Variants in LRIG1 observed in about 807,000 individuals in gnomAD.
LRIG1 encodes the protein leucine-rich repeats and immunoglobulin-like domains protein 1.
LRIG1 carries 48 observed loss-of-function variants against 99.2 expected under a neutral mutation model. The ratio of observed to expected loss-of-function variants is 0.48; its 90% CI spans 0.38 to 0.62. The LOEUF is 0.62. Among genes scored for constraint, LRIG1 ranks in the 20% least tolerant of loss-of-function variants. The probability of loss-of-function intolerance (pLI) is 0.00; values close to 1 mark genes in which losing one functional copy is unlikely to be tolerated. For missense variants in LRIG1, 1,646 were observed against 1,434.4 expected (o/e 1.15, Z -2.38); for synonymous variants, 772 against 596.1 (o/e 1.29, Z -4.30).
intron 3 of LRIG1, among the ~76,000 whole-genome samples, chr3:66,444,065 C>G (rs137964486): frequency 2.6e-5 from 4 of 152,160 alleles, no homozygotes; most frequent in Non-Finnish European, 5.9e-5. Context: ...TGATCAGATA[C>G]GAGTGACTGA....
In LRIG1 at chr3:66,461,446, G is replaced by A. The variant is rs1376221058; in HGVS notation, c.290+992C>T. Among the ~76,000 whole-genome samples the A allele has an allele frequency of 5.3e-5, 8 of 152,112 alleles. No individual in the cohort carries two copies. In the East Asian group the frequency reaches 9.6e-4, roughly 18 times the overall value. ...GGTAGGTAATATATGAAATATCCACGTATAGTAGTTTTACATAAAAGCTAA... is the reference window on the plus strand; with the variant it reads ...GGTAGGTAATATATGAAATATCCACATATAGTAGTTTTACATAAAAGCTAA... On this transcript the variant is annotated intron_variant, in intron 2 of 18. Coordinates refer to ENST00000273261, the MANE Select transcript of LRIG1 (RefSeq NM_015541.3).
chr3:66,403,777 G>GC (rs1437415490), intron 9 of LRIG1, among the ~76,000 whole-genome samples: 1 of 152,132 alleles, frequency 6.6e-6, no homozygotes, highest in Non-Finnish European at 1.5e-5. Flanking sequence ...GGACTGACAC[G>GC]CCCCACGAGG....
At position 66,410,230 on chromosome 3, in the gene LRIG1, C is replaced by T. The variant is rs745710758; in HGVS notation, c.834G>A (p.Ser278=). 30 of 1,613,570 alleles carry T rather than the reference C, an allele frequency of 1.9e-5. No individual in the cohort carries two copies. Among genetic ancestry groups the T allele is most frequent in the Admixed American group, 1.8e-4 (11 of 59,918 alleles). ...GATGCAGGGCCGTGAGGCCGTAGAG[C>T]GAGCCGCTGTTCACTTCTACCAGGC... The part of the protein sequence containing the change: ...YNSLVEVNSG[S]LYGLTALHQL... Residue 278 remains serine, a synonymous_variant, in exon 7 of 19, where the codon TCG becomes TCA. Transcript: ENST00000273261.
Position 66,382,412 on chromosome 3 carries a change from G to C in LRIG1, c.2492-14C>G. The C allele has an allele frequency of 6.2e-7, 1 of 1,614,144 alleles. No homozygotes were observed. Among genetic ancestry groups the C allele is most frequent in the Non-Finnish European group, 8.5e-7 (1 of 1,179,974 alleles). ...CGACGGTTTCATCTGCAAGGAGACA[G>C]AACAAATAGAACACCAGGGTCTCAG... On this transcript the variant is annotated splice_polypyrimidine_tract_variant and intron_variant, in intron 15 of 18. Coordinates refer to ENST00000273261, the MANE Select transcript of LRIG1 (RefSeq NM_015541.3).
chr3:66,492,600 A>G (rs948029787), intron 1 of LRIG1, among the ~76,000 whole-genome samples: 8 of 152,170 alleles, frequency 5.3e-5, no homozygotes, highest in African/African-American at 1.7e-4. Flanking sequence ...TTTGACCACA[A>G]AAGTTCAAAA....
Position 66,384,106 on chromosome 3 carries a change from C to A in LRIG1, c.1956G>T (p.Pro652=), listed in dbSNP as rs141524760. ...CAGTGATGAAAAACACGTCGTCATC[C>A]GGCATGACATGCATGCGTCGCTCAC... is the stretch of plus-strand genomic sequence containing the variant. The part of the protein sequence containing the change: ...AARERRMHVM[P]DDDVFFITDV... Residue 652 remains proline, a synonymous_variant, in exon 14 of 19, where the codon CCG becomes CCT. Transcript: ENST00000273261. The A allele has an allele frequency of 6.2e-7, 1 of 1,614,162 alleles. No individual in the cohort carries two copies. The highest frequency in any genetic ancestry group is 2.2e-5 in the East Asian group (1 of 44,878).
intron 9 of LRIG1, among the ~76,000 whole-genome samples, chr3:66,399,990 C>T (rs1268530472): frequency 6.6e-6 from 1 of 152,204 alleles, no homozygotes; most frequent in Non-Finnish European, 1.5e-5. Context: ...GCAGGAGATG[C>T]CCCAGTGCTT....
chr3:66,423,308 C>A (rs9309937), intron 3 of LRIG1, among the ~76,000 whole-genome samples: 2 of 152,118 alleles, frequency 1.3e-5, no homozygotes, highest in Non-Finnish European at 2.9e-5. Flanking sequence ...CGGTGGCTCA[C>A]GCCTGTAATC....
chr3:66,380,566 T>G lies in LRIG1; in HGVS notation c.3055+11A>C, dbSNP rs748390688. ...TCCCAACCCACCTGTTAGAAGACAG[T>G]CAAAAGTTACCTTTCCCATCTAGAG... On this transcript the variant is annotated intron_variant, in intron 18 of 18. Transcript: ENST00000273261. 108 of 1,613,216 alleles carry G rather than the reference T, an allele frequency of 6.7e-5. No homozygotes were observed. Among genetic ancestry groups the G allele is most frequent in the Non-Finnish European group, 9.1e-5 (107 of 1,179,342 alleles).
At chr3:66,499,658 ACACT>A (rs1445968937) in intron 1 of LRIG1, among the ~76,000 whole-genome samples, 1 of 152,140 alleles carries the variant, frequency 6.6e-6, no homozygotes, top group Non-Finnish European at 1.5e-5. Flanking sequence ...ACGGCTACAC[ACACT>A]ATCAACTAAT....
chr3:66,485,359 A>G (rs1267723571), intron 1 of LRIG1, among the ~76,000 whole-genome samples: 1 of 152,112 alleles, frequency 6.6e-6, no homozygotes, highest in African/African-American at 2.4e-5. Context: ...GGCGGTGCAT[A>G]AACTCCATCA....
intron 12 of LRIG1, among the ~76,000 whole-genome samples, chr3:66,390,825 C>T (rs783132): frequency 0.63 from 95,947 of 152,002 alleles, 31,568 homozygotes; most frequent in African/African-American, 0.81. Context: ...TTGAACTTCA[C>T]CAAAATTAAA....
chr3:66,422,762 T>C (rs1702860702), intron 3 of LRIG1, among the ~76,000 whole-genome samples: 1 of 152,212 alleles, frequency 6.6e-6, no homozygotes, highest in Non-Finnish European at 1.5e-5. Flanking sequence ...TTTACTGTCT[T>C]AGTTATTTTT....
intron 9 of LRIG1, among the ~76,000 whole-genome samples, chr3:66,400,024 C>T (rs1049151015): frequency 6.6e-6 from 1 of 152,216 alleles, no homozygotes; most frequent in Non-Finnish European, 1.5e-5. Context: ...AGACCCCAGA[C>T]GTTACATGAT....
intron 13 of LRIG1, among the ~76,000 whole-genome samples, chr3:66,385,043 TG>T (rs1416828790): frequency 1.3e-5 from 2 of 152,222 alleles, no homozygotes; most frequent in Non-Finnish European, 2.9e-5. Context: ...TCCACCATTC[TG>T]ATGATTCTCA....
chr3:66,446,065 G>C (rs551373555), intron 3 of LRIG1, among the ~76,000 whole-genome samples: 11 of 152,198 alleles, frequency 7.2e-5, no homozygotes, highest in African/African-American at 2.4e-4. Flanking sequence ...ACTTTAATGC[G>C]AACTGATCTT....
intron 2 of LRIG1, among the ~76,000 whole-genome samples, chr3:66,453,460 A>G (rs1035589944): frequency 3.4e-4 from 51 of 152,208 alleles, no homozygotes; most frequent in African/African-American, 1.2e-3. Flanking sequence ...GTCACCAGCA[A>G]TAAGTTGCAG....
chr3:66,448,388 T>C (rs568772724), intron 3 of LRIG1, among the ~76,000 whole-genome samples: 14 of 152,246 alleles, frequency 9.2e-5, no homozygotes, highest in African/African-American at 2.6e-4. Context: ...TCCATAATTA[T>C]AGGTGTCCAA....
chr3:66,411,328 A>C (rs1437443631), intron 6 of LRIG1, among the ~76,000 whole-genome samples: 1 of 152,206 alleles, frequency 6.6e-6, no homozygotes, highest in Middle Eastern at 3.2e-3. Context: ...TAAGCACTTA[A>C]TGTATAAATA....
Sources: allele counts gnomAD v4.1 joint callset (sites outside exome capture counted in the v4.1 genomes callset), GRCh38; gene constraint gnomAD v4.1.1; transcripts MANE v1.5; gene names NCBI Gene and HGNC (gene_info 2026-07-23, HGNC 2026-07-21).